NEK11: variants seen among roughly 807,000 people sequenced by gnomAD.
The protein encoded by NEK11 is NIMA related kinase 11, also known as serine/threonine-protein kinase Nek11.
In NEK11, 72 loss-of-function variants were observed where a neutral mutation model predicts 80.7. The ratio of observed to expected loss-of-function variants is 0.89; its 90% CI spans 0.74 to 1.08. The LOEUF is 1.08. NEK11 is among the 50% of genes least tolerant of loss of function. NEK11 has a pLI of 0.00. For missense variants in NEK11, 764 were observed against 763.6 expected, an observed-to-expected ratio of 1.00 and a Z score of -0.01; for synonymous variants, 251 against 260.7, an observed-to-expected ratio of 0.96 and a Z score of 0.36.
intron 12 of NEK11, 40 bp from the exon 13 acceptor site, chr3:131,168,790 G>A: frequency 6.7e-7 from 1 of 1,500,946 alleles, no homozygotes; most frequent in South Asian, 1.2e-5. Flanking sequence ...GAAAGACTTG[G>A]AAAACCACTG....
intron 17 of NEK11, among the ~76,000 whole-genome samples, chr3:131,335,459 G>A (rs1051053027): frequency 6.6e-6 from 1 of 152,124 alleles, no homozygotes; most frequent in Admixed American, 6.6e-5. Context: ...GTATTGATGG[G>A]ACATATCTCA....
intron 10 of NEK11, among the ~76,000 whole-genome samples, chr3:131,160,421 G>A (rs1375086003): frequency 6.6e-6 from 1 of 152,140 alleles, no homozygotes; most frequent in Non-Finnish European, 1.5e-5. Context: ...AAGACCTCCT[G>A]AAGGAAGCAC....
rs2084960111 is a variant in NEK11 at position 131,133,626 on chromosome 3, A to G, written c.521-204A>G. 5.7e-5 allele frequency among the ~76,000 whole-genome samples: 3 copies of G among 52,916 alleles called. No homozygotes were observed. In the South Asian group the frequency reaches 2.0e-3, roughly 36 times the overall value. The allele number at this position is 52,916 out of a possible 152,430, so 34.7% of individuals were successfully genotyped here. A position where few individuals can be genotyped will look rare whatever the true frequency, so the allele number is the denominator to read the frequency against. The stretch of plus-strand genomic sequence containing the variant: ...TTACATAATTCACTTTCCTGGCTCA[A>G]AGTCTTCCTTCTATAAAACTTATGT... On this transcript the variant is annotated intron_variant, in intron 6 of 17. Coordinates refer to ENST00000383366, the MANE Select transcript of NEK11 (RefSeq NM_024800.5).
At chr3:131,074,765 C>T (rs925821135) in intron 3 of NEK11, among the ~76,000 whole-genome samples, 2 of 152,096 alleles carry the variant, frequency 1.3e-5, no homozygotes, top group African/African-American at 4.8e-5. Flanking sequence ...AGCTCTAGAC[C>T]GTGGATTTTG....
At chr3:131,203,063 G>A (rs561499983) in intron 14 of NEK11, among the ~76,000 whole-genome samples, 12 of 152,240 alleles carry the variant, frequency 7.9e-5, no homozygotes, top group East Asian at 3.9e-4. Context: ...ATTTGACCCC[G>A]TGATCCCATT....
At chr3:131,328,460 T>C (rs967090473) in intron 17 of NEK11, 3 of 152,070 alleles carry the variant, frequency 2.0e-5, no homozygotes, top group Admixed American at 2.0e-4. Flanking sequence ...CCAAGCCTAG[T>C]TGGGGAGCAA....
At chr3:131,140,981 A>G (rs1390209233) in intron 7 of NEK11, among the ~76,000 whole-genome samples, 2 of 152,124 alleles carry the variant, frequency 1.3e-5, no homozygotes, top group South Asian at 2.1e-4. Flanking sequence ...ATAAGACCCA[A>G]TTATCCACAT....
At chr3:131,138,491 T>C (rs1280496135) in intron 7 of NEK11, among the ~76,000 whole-genome samples, 1 of 152,124 alleles carries the variant, frequency 6.6e-6, no homozygotes, top group African/African-American at 2.4e-5. Context: ...AACTCACACC[T>C]CTCAAGGGAA....
intron 14 of NEK11, among the ~76,000 whole-genome samples, chr3:131,218,123 T>C: frequency 1.3e-5 from 2 of 152,374 alleles, no homozygotes; most frequent in Middle Eastern, 6.8e-3. Context: ...TGTTTATCTC[T>C]TATCCTTTAT....
intron 14 of NEK11, among the ~76,000 whole-genome samples, chr3:131,208,267 G>A (rs973884616): frequency 4.6e-5 from 7 of 152,154 alleles, no homozygotes; most frequent in Non-Finnish European, 1.0e-4. Context: ...TCAAAGATCA[G>A]ATGATTGTAG....
At chr3:131,057,495 G>A (rs1437066988) in intron 3 of NEK11, among the ~76,000 whole-genome samples, 1 of 150,552 alleles carries the variant, frequency 6.6e-6, no homozygotes, top group Non-Finnish European at 1.5e-5. Flanking sequence ...CTAGTTTACA[G>A]TCCCACCAAC....
intron 3 of NEK11, among the ~76,000 whole-genome samples, chr3:131,044,124 G>C (rs2066965164): frequency 6.6e-6 from 1 of 152,074 alleles, no homozygotes; most frequent in Non-Finnish European, 1.5e-5. Context: ...GGAGAAACCG[G>C]TACCAGCCAC....
At chr3:131,212,520 A>T in intron 14 of NEK11, among the ~76,000 whole-genome samples, 1 of 149,160 alleles carries the variant, frequency 6.7e-6, no homozygotes, top group Non-Finnish European at 1.5e-5. Flanking sequence ...CTGTCTTCAA[A>T]GCTCAGTTGG....
At chr3:131,120,566 A>G (rs1489782721) in intron 5 of NEK11, among the ~76,000 whole-genome samples, 1 of 152,174 alleles carries the variant, frequency 6.6e-6, no homozygotes, top group Non-Finnish European at 1.5e-5. Context: ...AATATCCTGA[A>G]GAGTGTTTTC....
At chr3:131,125,626 A>G (rs2083192496) in intron 5 of NEK11, among the ~76,000 whole-genome samples, 2 of 152,192 alleles carry the variant, frequency 1.3e-5, no homozygotes, top group African/African-American at 4.8e-5. Flanking sequence ...GCATTATGAG[A>G]TACATAGCCT....
intron 3 of NEK11, among the ~76,000 whole-genome samples, chr3:131,056,913 T>G (rs1318253577): frequency 7.9e-5 from 12 of 152,000 alleles, no homozygotes; most frequent in Non-Finnish European, 1.8e-4. Flanking sequence ...ATACTTTAAG[T>G]TTTAGGGTAC....
intron 14 of NEK11, among the ~76,000 whole-genome samples, chr3:131,201,296 A>G (rs1030760866): frequency 6.6e-6 from 1 of 151,752 alleles, no homozygotes; most frequent in Admixed American, 6.6e-5. Flanking sequence ...TCTAGAGTGA[A>G]AAGCAGGCTT....
intron 5 of NEK11, among the ~76,000 whole-genome samples, chr3:131,123,162 C>T (rs909950459): frequency 6.6e-5 from 10 of 152,002 alleles, no homozygotes; most frequent in African/African-American, 2.4e-4. Context: ...AAAGCCAATA[C>T]ATTACGATTT....
chr3:131,226,522 T>C (rs1051276520), intron 14 of NEK11, among the ~76,000 whole-genome samples: 1 of 152,130 alleles, frequency 6.6e-6, no homozygotes, highest in Non-Finnish European at 1.5e-5. Flanking sequence ...ATACTGTCTT[T>C]TGCAGCAACC....
Sources: allele counts gnomAD v4.1 joint callset (sites outside exome capture counted in the v4.1 genomes callset), GRCh38; gene constraint gnomAD v4.1.1; transcripts MANE v1.5; gene names NCBI Gene and HGNC (gene_info 2026-07-23, HGNC 2026-07-21).